The following THAP6 variants were observed in gnomAD, a reference collection of about 807,000 sequenced individuals.
The protein encoded by THAP6 is THAP domain-containing protein 6.
THAP6 carries 13 observed loss-of-function variants against 20.0 expected under a neutral mutation model. The observed-to-expected ratio is 0.65, with a 90% CI of 0.42 to 1.03. The LOEUF (loss-of-function observed/expected upper bound fraction) is 1.03, where lower values mean the gene tolerates loss of function less well. Ranked by LOEUF, THAP6 falls within the 50% of genes least tolerant of loss-of-function variation. The pLI, the probability that THAP6 is intolerant of heterozygous loss-of-function variation, is 0.00. For synonymous variants in THAP6, 93 were observed against 92.2 expected, an observed-to-expected ratio of 1.01 and a Z score of -0.05; for missense variants, 262 against 261.6, an observed-to-expected ratio of 1.00 and a Z score of -0.01.
intron 2 of THAP6, among the ~76,000 whole-genome samples, chr4:75,536,116 C>T (rs1315347198): frequency 6.6e-6 from 1 of 152,192 alleles, no homozygotes; most frequent in Non-Finnish European, 1.5e-5. Context: ...TTATATTAAA[C>T]ACAAGTGATC....
chr4:75,531,174 A>G (rs1726668478), downstream of THAP6, among the ~76,000 whole-genome samples: 1 of 152,228 alleles, frequency 6.6e-6, no homozygotes, highest in African/African-American at 2.4e-5. Context: ...TGGTTTATGC[A>G]GAACACCCAG....
intron 3 of THAP6, among the ~76,000 whole-genome samples, chr4:75,520,955 C>G (rs1725985207): frequency 6.6e-6 from 1 of 152,066 alleles, no homozygotes; most frequent in Admixed American, 6.6e-5. Flanking sequence ...GTTACTTATT[C>G]AGGTCCTCTT....
chr4:75,540,757 A>G (rs1726979084), intron 2 of THAP6, among the ~76,000 whole-genome samples: 1 of 152,240 alleles, frequency 6.6e-6, no homozygotes, highest in South Asian at 2.1e-4. Flanking sequence ...CAATAAAAAT[A>G]AGGATACTGG....
chr4:75,540,023 C>T, intron 2 of THAP6: 7 of 1,499,070 alleles, frequency 4.7e-6, no homozygotes, highest in Non-Finnish European at 6.2e-6. Flanking sequence ...AGGCAAGGAA[C>T]ATTGTATCAC....
At position 75,527,293 on chromosome 4, in the gene THAP6, A is replaced by G. The variant is rs111616901; in HGVS notation, c.*79A>G. ...AAATCTCATTTACCATCACTAAATA[A>G]TATCCATCATTTAAAGTGCTGCTTT... On this transcript the variant is annotated 3_prime_UTR_variant, in exon 5 of 5. Coordinates refer to ENST00000311638, the MANE Select transcript of THAP6 (RefSeq NM_144721.6). The G allele has an allele frequency of 6.5e-7, 1 of 1,538,312 alleles. No homozygotes were observed. The highest frequency in any genetic ancestry group is 8.7e-7 in the Non-Finnish European group (1 of 1,144,302).
At position 75,527,181 on chromosome 4, in the gene THAP6, T is replaced by G. The variant is rs770481500; in HGVS notation, c.636T>G (p.Cys212Trp). The change falls in exon 5 of 5, where the codon TGT becomes TGG. Residue 212 changes from cysteine to tryptophan, a missense_variant. Physicochemically the swap from Cys to Trp is radical, Grantham distance 215. Transcript: ENST00000311638. ...TGGACACTTTCTGTTGGGACTGTTGTCAGGAGAGCATAGAACAGGACTATA... is the reference window on the plus strand; with the variant it reads ...TGGACACTTTCTGTTGGGACTGTTGGCAGGAGAGCATAGAACAGGACTATA... ...NRLDTFCWDC[C>W]QESIEQDYIS The G allele has an allele frequency of 6.2e-7, 1 of 1,614,088 alleles. No homozygotes were observed. The highest frequency in any genetic ancestry group is 1.1e-5 in the South Asian group (1 of 91,074).
intron 3 of THAP6, among the ~76,000 whole-genome samples, chr4:75,520,046 T>C (rs1478527815): frequency 2.0e-5 from 3 of 152,002 alleles, no homozygotes; most frequent in Non-Finnish European, 4.4e-5. Context: ...TGGTATCTCA[T>C]TGTGGTTTTG....
Position 75,529,253 on chromosome 4 carries a change from A to G in THAP6, c.*2039A>G, listed in dbSNP as rs1280075213. 1.0e-6 allele frequency: 1 copy of G among 985,152 alleles called. No homozygotes were observed. The highest frequency in any genetic ancestry group is 1.7e-5 in the African/African-American group (1 of 57,220). The allele number at this position is 985,152 out of a possible 1,614,324, so 61.0% of individuals were successfully genotyped here. A position where few individuals can be genotyped will look rare whatever the true frequency, so the allele number is the denominator to read the frequency against. On this transcript the variant is annotated 3_prime_UTR_variant, in exon 5 of 5. Transcript: ENST00000311638. ...GACAATGGAGTAAGTAAGAGGGTAG[A>G]TCCAAACACAGTATGTCTAAATTCT...
rs552733264 is a variant in THAP6, at chr4:75,526,165, C to A, written c.415-795C>A. Among the ~76,000 whole-genome samples, 5 of 152,344 alleles carry A rather than the reference C, an allele frequency of 3.3e-5. No individual in the cohort carries two copies. The South Asian group carries it at 1.0e-3, about 32-fold the overall frequency. On this transcript the variant is annotated intron_variant, in intron 4 of 4. Transcript: ENST00000311638. ...GCTGGAGCAGTCTTAGGTCTCACCT[C>A]TTTGCTTCCCATCTGTCCACAATAG...
intron 3 of THAP6, among the ~76,000 whole-genome samples, chr4:75,520,139 GTC>G (rs759072394): frequency 1.3e-5 from 2 of 152,208 alleles, no homozygotes; most frequent in Non-Finnish European, 2.9e-5. Context: ...TTTGAGAAGT[GTC>G]TGTTCATGTC....
chr4:75,513,980 G>T (rs1017818972), upstream of THAP6: 15 of 591,044 alleles, frequency 2.5e-5, no homozygotes, highest in African/African-American at 2.0e-4. Flanking sequence ...CACTTCCCAA[G>T]AAGGGTTTTG....
upstream of THAP6, chr4:75,514,168 G>C (rs1259570645): frequency 1.3e-6 from 2 of 1,591,350 alleles, no homozygotes; most frequent in African/African-American, 1.3e-5. Context: ...ACGGAAGCTT[G>C]TCAGGGAAGA....
rs541396064 is a variant in THAP6 at position 75,529,940 on chromosome 4, A to C, written c.*2726A>C. 124 of 871,674 alleles carry C rather than the reference A, an allele frequency of 1.4e-4. No homozygotes were observed. The highest frequency in any genetic ancestry group is 5.9e-4 in the Middle Eastern group (1 of 1,690). 54.0% of individuals were successfully genotyped at this position (871,674 alleles called of 1,614,324 possible). On this transcript the variant is annotated 3_prime_UTR_variant, in exon 5 of 5. Coordinates refer to ENST00000311638, the MANE Select transcript of THAP6 (RefSeq NM_144721.6). ...TGTATTTAATATATATTTAGTTTTA[A>C]TAAAAAGATAAAATTATTACAGAAA...
intron 4 of THAP6, among the ~76,000 whole-genome samples, chr4:75,524,387 C>T (rs936259514): frequency 1.3e-5 from 2 of 152,192 alleles, no homozygotes; most frequent in South Asian, 4.2e-4. Context: ...CATATAGGTG[C>T]CATTTCCAGG....
At chr4:75,537,704 GATCTAAA>G (rs964765299) in intron 2 of THAP6, among the ~76,000 whole-genome samples, 6 of 152,134 alleles carry the variant, frequency 3.9e-5, no homozygotes, top group African/African-American at 1.4e-4. Flanking sequence ...TTAAATTAAG[GATCTAAA>G]ATATGGAAAG....
intron 1 of THAP6, chr4:75,514,928 C>A: frequency 6.2e-6 from 1 of 161,004 alleles, no homozygotes; most frequent in Non-Finnish European, 1.4e-5. Flanking sequence ...CCACCATGAC[C>A]TCATGGAACT....
rs1020645423 is a variant in THAP6 at position 75,521,937 on chromosome 4, C to T, written c.414+76C>T. Reference sequence around the variant, plus strand: ...TCCTCTCCATTACAATCAAATTTTTCAGAATCCTAGCAAAATCTAGGGGTT... The same window carrying T: ...TCCTCTCCATTACAATCAAATTTTTTAGAATCCTAGCAAAATCTAGGGGTT... On this transcript the variant is annotated intron_variant, in intron 4 of 4. Coordinates refer to ENST00000311638, the MANE Select transcript of THAP6 (RefSeq NM_144721.6). 7.0e-6 allele frequency: 11 copies of T among 1,573,094 alleles called. No individual in the cohort carries two copies. The Admixed American group carries it at 8.8e-5, about 13-fold the overall frequency.
chr4:75,539,784 G>A (rs1290611940), intron 2 of THAP6: 38 of 1,524,178 alleles, frequency 2.5e-5, no homozygotes, highest in Middle Eastern at 1.7e-4. Flanking sequence ...ATTTCATTGC[G>A]TATAAAACGT....
rs72866268 is a variant in THAP6, at chr4:75,514,876, G to A, written c.-21+356G>A. On this transcript the variant is annotated intron_variant, in intron 1 of 4. Coordinates refer to ENST00000311638, the MANE Select transcript of THAP6 (RefSeq NM_144721.6). ...TGACATTCACTATTGCCAGTCACCA[G>A]CTAAACCGTGAGGACAAAAAGTAAG... 4.0e-3 allele frequency: 632 copies of A among 157,536 alleles called. 5 individuals carry two copies. Among genetic ancestry groups the A allele is most frequent in the African/African-American group, 0.014 (597 of 41,622 alleles). 9.8% of individuals were successfully genotyped at this position (157,536 alleles called of 1,614,324 possible). A position where few individuals can be genotyped will look rare whatever the true frequency, so the allele number is the denominator to read the frequency against.
Sources: gnomAD v4.1 joint callset for allele counts (sites outside exome capture counted in the v4.1 genomes callset) on GRCh38, gnomAD v4.1.1 for gene constraint, MANE v1.5 for transcripts, NCBI Gene and HGNC (gene_info 2026-07-23, HGNC 2026-07-21) for gene names.